Variants in KAZN observed in about 807,000 individuals in gnomAD.
The protein encoded by KAZN is kazrin, periplakin interacting protein.
In KAZN, 40 loss-of-function variants were observed where a neutral mutation model predicts 87.4. The ratio of observed to expected loss-of-function variants is 0.46; its 90% confidence interval spans 0.36 to 0.60. KAZN has a LOEUF of 0.60. Ranked by LOEUF, KAZN falls within the 20% of genes least tolerant of loss-of-function variation. The pLI is 0.00. For synonymous variants in KAZN, 466 were observed against 458.3 expected (o/e 1.02, Z -0.22); for missense variants, 898 against 1,073.9 (o/e 0.84, Z 2.29).
chr1:14,635,436 T>G (rs942035173), intron 1 of KAZN, among the ~76,000 whole-genome samples: 2 of 152,206 alleles, frequency 1.3e-5, no homozygotes, highest in Admixed American at 6.5e-5. Context: ...AGTCCCCTCA[T>G]ACCCTATGAG....
intron 2 of KAZN, among the ~76,000 whole-genome samples, chr1:14,401,833 A>G (rs947536765): frequency 4.6e-5 from 7 of 152,126 alleles, no homozygotes; most frequent in East Asian, 1.9e-4. Context: ...AAATAAAACC[A>G]AACACCTCTT....
At chr1:14,806,039 C>T (rs1646208805) in intron 1 of KAZN, among the ~76,000 whole-genome samples, 2 of 152,160 alleles carry the variant, frequency 1.3e-5, no homozygotes, top group South Asian at 4.1e-4. Context: ...CAAAGCATCT[C>T]TTGTTTCAGT....
At chr1:15,003,511 TTTTTTAAAAATAAAGCA>T in intron 2 of KAZN, among the ~76,000 whole-genome samples, 1 of 152,288 alleles carries the variant, frequency 6.6e-6, no homozygotes, top group African/African-American at 2.4e-5. Context: ...AGTAAAGCTG[TTTTTTAAAAATAAAGCA>T]GAGGTCAACC....
chr1:14,259,392 C>T (rs189960657), intron 2 of KAZN, among the ~76,000 whole-genome samples: 7 of 152,226 alleles, frequency 4.6e-5, no homozygotes, highest in Non-Finnish European at 5.9e-5. Context: ...GCTGGGACGG[C>T]GGCCATGGCA....
chr1:14,524,999 C>A (rs1235908412), intron 2 of KAZN, among the ~76,000 whole-genome samples: 1 of 152,236 alleles, frequency 6.6e-6, no homozygotes, highest in Non-Finnish European at 1.5e-5. Context: ...GTGATCTACT[C>A]CAAACCCCAT....
chr1:14,514,379 TATATATATTATATATA>T (rs1671116274), intron 2 of KAZN, among the ~76,000 whole-genome samples: 1 of 21,464 alleles, frequency 4.7e-5, no homozygotes, highest in Non-Finnish European at 9.0e-5. Flanking sequence ...ATATATAATA[TATATATATTATATATA>T]TTTATATATA....
At chr1:14,971,096 A>C (rs1481444014) in intron 2 of KAZN, among the ~76,000 whole-genome samples, 1 of 152,166 alleles carries the variant, frequency 6.6e-6, no homozygotes, top group Admixed American at 6.5e-5. Flanking sequence ...TGGGGATGAG[A>C]GAGGTTAAGA....
chr1:14,650,214 T>A (rs1638271137), intron 1 of KAZN, among the ~76,000 whole-genome samples: 1 of 152,260 alleles, frequency 6.6e-6, no homozygotes, highest in East Asian at 1.9e-4. Flanking sequence ...TAAAATTATG[T>A]CAAATACATA....
chr1:15,070,388 C>T (rs1434691834), intron 8 of KAZN, among the ~76,000 whole-genome samples: 3 of 152,180 alleles, frequency 2.0e-5, no homozygotes, highest in African/African-American at 7.2e-5. Flanking sequence ...CCAGCTCTCC[C>T]TTCCTCTTCC....
intron 2 of KAZN, among the ~76,000 whole-genome samples, chr1:15,015,460 G>A (rs1669993395): frequency 6.6e-6 from 1 of 152,092 alleles, no homozygotes; most frequent in Non-Finnish European, 1.5e-5. Context: ...CATAAAAACT[G>A]ATGTTTTTAA....
In KAZN at chr1:14,905,013, G is replaced by A. The variant is rs149570442; in HGVS notation, c.227-55671G>A. On this transcript the variant is annotated intron_variant, in intron 1 of 14. Coordinates refer to ENST00000376030, the MANE Select transcript of KAZN (RefSeq NM_201628.3). ...CCTGACCTCGTGATCCGCCCACCTC[G>A]GCCTCCCAAAGTGCTGGGATTACAG... Among the ~76,000 whole-genome samples, 312 of 151,866 alleles carry A rather than the reference G, an allele frequency of 2.1e-3. 1 individual carries two copies. Among genetic ancestry groups the A allele is most frequent in the African/African-American group, 7.2e-3 (299 of 41,424 alleles).
chr1:13,985,752 C>T (rs1176388923), intron 1 of KAZN, among the ~76,000 whole-genome samples: 2 of 152,104 alleles, frequency 1.3e-5, no homozygotes, highest in East Asian at 3.8e-4. Context: ...GTATTCTGGA[C>T]ATTTTCTATA....
chr1:14,999,517 T>TCCCCCCCCCCCCCCCCCC (rs1557701638), intron 2 of KAZN, among the ~76,000 whole-genome samples: 3 of 80,992 alleles, frequency 3.7e-5, no homozygotes, highest in African/African-American at 1.5e-4. Context: ...CGCCCCGCCA[T>TCCCCCCCCCCCCCCCCCC]CCAGACCTTG....
At chr1:15,014,797 G>A (rs903943092) in intron 2 of KAZN, among the ~76,000 whole-genome samples, 1 of 152,154 alleles carries the variant, frequency 6.6e-6, no homozygotes, top group African/African-American at 2.4e-5. Context: ...ATTCTAAAGG[G>A]ATGGTCAGGC....
intron 1 of KAZN, among the ~76,000 whole-genome samples, chr1:14,601,241 T>C (rs969018812): frequency 6.6e-6 from 1 of 152,222 alleles, no homozygotes; most frequent in Admixed American, 6.5e-5. Context: ...GTGATTTTTA[T>C]AATCAGAAAA....
intron 1 of KAZN, among the ~76,000 whole-genome samples, chr1:14,633,867 A>ACTCT (rs113095643): frequency 1.4e-4 from 21 of 149,966 alleles, no homozygotes; most frequent in African/African-American, 4.2e-4. Flanking sequence ...TTGCGCGCGC[A>ACTCT]CTCTCTCTCT....
rs148170520 is a variant in KAZN at position 14,906,505 on chromosome 1, C to T, written c.227-54179C>T. On this transcript the variant is annotated intron_variant, in intron 1 of 14. Transcript: ENST00000376030. ...CTGAGGTGTGGCTGTGACTTGGGGA[C>T]GCAGCCTCATGCGGAGCGAGTTCAC... 3.3e-5 allele frequency among the ~76,000 whole-genome samples: 5 copies of T among 151,940 alleles called. 1 individual carries two copies. The highest frequency in any genetic ancestry group is 9.7e-5 in the African/African-American group (4 of 41,434).
At chr1:14,630,164 G>C (rs1413755184) in intron 1 of KAZN, among the ~76,000 whole-genome samples, 4 of 152,138 alleles carry the variant, frequency 2.6e-5, no homozygotes, top group Non-Finnish European at 5.9e-5. Context: ...ATCAGAGAAG[G>C]GGAAATGAAT....
chr1:15,104,989 A>T (rs1453536467), intron 13 of KAZN, among the ~76,000 whole-genome samples: 1 of 152,210 alleles, frequency 6.6e-6, no homozygotes, highest in Non-Finnish European at 1.5e-5. Context: ...TGTCAAACCA[A>T]CCTTGCATTC....
Sources: allele counts gnomAD v4.1 joint callset (sites outside exome capture counted in the v4.1 genomes callset), GRCh38; gene constraint gnomAD v4.1.1; transcripts MANE v1.5; gene names NCBI Gene and HGNC (gene_info 2026-07-23, HGNC 2026-07-21).